The following RTTN variants were observed in gnomAD, a reference collection of about 807,000 sequenced individuals.
The protein encoded by RTTN is rotatin.
A neutral mutation model predicts 269.2 loss-of-function variants in RTTN; 182 were observed. That is an observed-to-expected ratio of 0.68 (90% CI 0.60 to 0.76). The LOEUF is 0.76. Among genes scored for constraint, RTTN ranks in the 30% least tolerant of loss-of-function variants. The pLI, the probability that RTTN is intolerant of heterozygous loss-of-function variation, is 0.00. For synonymous variants in RTTN, 1,006 were observed against 963.5 expected (o/e 1.04, Z -0.82); for missense variants, 2,545 against 2,608.6 (o/e 0.98, Z 0.53).
intron 26 of RTTN, among the ~76,000 whole-genome samples, chr18:70,115,639 G>A (rs1272497006): frequency 4.0e-5 from 6 of 151,894 alleles, no homozygotes; most frequent in Admixed American, 2.6e-4. Flanking sequence ...AATTGTCTAA[G>A]TCTTAGACAG....
At chr18:70,153,210 A>G (rs1287212501) in intron 14 of RTTN, among the ~76,000 whole-genome samples, 2 of 151,938 alleles carry the variant, frequency 1.3e-5, no homozygotes, top group Non-Finnish European at 2.9e-5. Flanking sequence ...CACTATATAC[A>G]TTGAATGTAT....
chr18:70,057,726 GA>G lies in RTTN; in HGVS notation c.5031+15del. Reference sequence around the variant, plus strand: ...CCTAACGTAAACAAACCCACAAACAGACTTGAGATGCTTACCTGAGCCTGAG... The same window carrying G: ...CCTAACGTAAACAAACCCACAAACAGCTTGAGATGCTTACCTGAGCCTGAG... On this transcript the variant is annotated intron_variant, in intron 37 of 48. Transcript: ENST00000640769. 6.2e-7 allele frequency: 1 copy of G among 1,606,744 alleles called. No individual in the cohort carries two copies. The highest frequency in any genetic ancestry group is 8.5e-7 in the Non-Finnish European group (1 of 1,173,736).
chr18:70,176,311 G>A (rs2061300042), intron 11 of RTTN, among the ~76,000 whole-genome samples: 1 of 151,752 alleles, frequency 6.6e-6, no homozygotes, highest in African/African-American at 2.4e-5. Context: ...ATGAGGCCAG[G>A]GACTAATTCT....
intron 42 of RTTN, 39 bp downstream of exon 42, chr18:70,029,973 G>C (rs1270817380): frequency 3.6e-6 from 5 of 1,407,110 alleles, no homozygotes; most frequent in Non-Finnish European, 5.0e-6. Flanking sequence ...CTGGAGAATG[G>C]TCTCTATATA....
intron 11 of RTTN, 72 bp from the exon 12 acceptor site, chr18:70,169,139 G>A (rs2061070241): frequency 1.2e-5 from 13 of 1,122,930 alleles, no homozygotes; most frequent in Non-Finnish European, 1.5e-5. Flanking sequence ...AACATAGTGG[G>A]CTATAGTCTT....
At position 70,092,851 on chromosome 18, in the gene RTTN, G is replaced by A. The variant is rs764870216; in HGVS notation, c.3904-47C>T. 2.0e-6 allele frequency: 3 copies of A among 1,528,908 alleles called. No homozygotes were observed. In the South Asian group the frequency reaches 3.7e-5, roughly 19 times the overall value. The allele number at this position is 1,528,908 out of a possible 1,614,324, so 94.7% of individuals were successfully genotyped here. On this transcript the variant is annotated intron_variant, in intron 28 of 48. Coordinates refer to ENST00000640769, the MANE Select transcript of RTTN (RefSeq NM_173630.4). ...TTTCATGGTGGCTTTATTCTCAATGGTATATAAAGATAAATATATAACTGT... is the reference window on the plus strand; with the variant it reads ...TTTCATGGTGGCTTTATTCTCAATGATATATAAAGATAAATATATAACTGT...
At chr18:70,069,907 C>T (rs1439702677) in intron 34 of RTTN, among the ~76,000 whole-genome samples, 1 of 152,162 alleles carries the variant, frequency 6.6e-6, no homozygotes, top group African/African-American at 2.4e-5. Flanking sequence ...TTCTAAGCTT[C>T]ATGTGTTCAT....
intron 40 of RTTN, among the ~76,000 whole-genome samples, chr18:70,034,660 T>G (rs572963795): frequency 5.8e-4 from 89 of 152,210 alleles, no homozygotes; most frequent in Admixed American, 2.3e-3. Flanking sequence ...TCTTTCACCA[T>G]TCCTATTCAA....
intron 28 of RTTN, among the ~76,000 whole-genome samples, chr18:70,094,269 T>C (rs1471011034): frequency 1.3e-5 from 2 of 152,198 alleles, no homozygotes; most frequent in African/African-American, 4.8e-5. Context: ...ATTGATTTTT[T>C]TTGAAGGGTT....
intron 11 of RTTN, among the ~76,000 whole-genome samples, chr18:70,175,740 C>T (rs1406736242): frequency 1.3e-5 from 2 of 151,792 alleles, no homozygotes; most frequent in Non-Finnish European, 2.9e-5. Context: ...ACCAACTTGA[C>T]CAATACTTAG....
At chr18:70,081,239 T>C (rs987751618) in intron 32 of RTTN, among the ~76,000 whole-genome samples, 1 of 152,072 alleles carries the variant, frequency 6.6e-6, no homozygotes, top group African/African-American at 2.4e-5. Context: ...GCTGAGGTGA[T>C]GGGTACACCA....
At chr18:70,051,657 T>G in intron 38 of RTTN, 109 bp from the exon 39 acceptor site, 1 of 691,938 alleles carries the variant, frequency 1.4e-6, no homozygotes, top group Non-Finnish European at 2.2e-6. Context: ...ATGAGGGGTG[T>G]GCACTTATCA....
At chr18:70,020,581 C>A in intron 45 of RTTN, 34 bp downstream of exon 45, 1 of 1,497,226 alleles carries the variant, frequency 6.7e-7, no homozygotes, top group Non-Finnish European at 9.2e-7. Context: ...CACTGAGTAC[C>A]CTTTTAAGAT....
chr18:70,086,088 C>T (rs1248578968), intron 32 of RTTN, among the ~76,000 whole-genome samples: 2 of 151,918 alleles, frequency 1.3e-5, no homozygotes, highest in East Asian at 1.9e-4. Flanking sequence ...CACTATAACC[C>T]GCACTGTGCA....
Position 70,030,073 on chromosome 18 carries a change from T to G in RTTN, c.5684A>C (p.His1895Pro). Residue 1895 changes from histidine to proline, a missense_variant, in exon 42 of 49, where the codon CAC becomes CCC. His to Pro is a moderately conservative substitution (Grantham distance 77, BLOSUM62 -2). Transcript: ENST00000640769. Reference sequence around the variant, plus strand: ...ATCTAGGTTCAGTTGTGCATTTATGTGTTTCATCTGCTCCATGCAATTGTC... The same window carrying G: ...ATCTAGGTTCAGTTGTGCATTTATGGGTTTCATCTGCTCCATGCAATTGTC... ...LIDNCMEQMK[H>P]INAQLNLDSL... The G allele has an allele frequency of 6.2e-7, 1 of 1,612,926 alleles. No individual in the cohort carries two copies. The highest frequency in any genetic ancestry group is 8.5e-7 in the Non-Finnish European group (1 of 1,179,622).
intron 26 of RTTN, among the ~76,000 whole-genome samples, chr18:70,121,159 A>G (rs11665422): frequency 0.96 from 145,884 of 152,236 alleles, 70,229 homozygotes; most frequent in East Asian, 1. Context: ...AGGCCTGAAC[A>G]CACTTTATCT....
chr18:70,013,642 G>C (rs2056460515), intron 46 of RTTN, among the ~76,000 whole-genome samples: 1 of 151,966 alleles, frequency 6.6e-6, no homozygotes, highest in Non-Finnish European at 1.5e-5. Context: ...TTGAATATTT[G>C]AACTGAATAT....
intron 40 of RTTN, among the ~76,000 whole-genome samples, chr18:70,040,094 A>G (rs773680154): frequency 4.1e-4 from 62 of 152,194 alleles, no homozygotes; most frequent in Admixed American, 3.7e-3. Flanking sequence ...AAATAACAAA[A>G]CGGCAGAAGG....
chr18:70,023,127 C>T (rs1410410073), intron 44 of RTTN, among the ~76,000 whole-genome samples: 5 of 152,064 alleles, frequency 3.3e-5, no homozygotes, highest in African/African-American at 4.8e-5. Context: ...CATTCTGGGT[C>T]GTTTGAGACA....
Sources: allele counts gnomAD v4.1 joint callset (sites outside exome capture counted in the v4.1 genomes callset), GRCh38; gene constraint gnomAD v4.1.1; transcripts MANE v1.5; gene names NCBI Gene and HGNC (gene_info 2026-07-23, HGNC 2026-07-21).